PXDNL: variants seen among roughly 807,000 people sequenced by gnomAD.
PXDNL encodes the protein peroxidasin like.
In PXDNL, 145 loss-of-function variants were observed where a neutral mutation model predicts 150.8. The observed-to-expected ratio is 0.96, with a 90% CI of 0.84 to 1.10. The LOEUF (loss-of-function observed/expected upper bound fraction) is 1.10, where lower values mean the gene tolerates loss of function less well. Ranked by LOEUF, PXDNL falls within the 50% of genes least tolerant of loss-of-function variation. PXDNL has a pLI of 0.00. For missense variants in PXDNL, 2,087 were observed against 1,873.9 expected, an observed-to-expected ratio of 1.11 and a Z score of -2.10; for synonymous variants, 757 against 725.7, an observed-to-expected ratio of 1.04 and a Z score of -0.69.
intron 4 of PXDNL, among the ~76,000 whole-genome samples, chr8:51,509,666 A>G (rs923104870): frequency 1.3e-5 from 2 of 148,790 alleles, no homozygotes; most frequent in African/African-American, 5.0e-5. Context: ...TCAAATTACA[A>G]CCACATTCCC....
intron 21 of PXDNL, among the ~76,000 whole-genome samples, chr8:51,339,041 G>A (rs1805913400): frequency 6.6e-6 from 1 of 152,234 alleles, no homozygotes; most frequent in South Asian, 2.1e-4. Context: ...GAAGCAGCAA[G>A]CAGAGCCAGT....
In PXDNL at chr8:51,661,807, T is replaced by C. The variant is rs12680999; in HGVS notation, c.165-7047A>G. Among the ~76,000 whole-genome samples the C allele has an allele frequency of 1.5e-3, 227 of 151,704 alleles. 3 individuals carry two copies. In the East Asian group the frequency reaches 0.04, roughly 27 times the overall value. On this transcript the variant is annotated intron_variant, in intron 1 of 22. Coordinates refer to ENST00000356297, the MANE Select transcript of PXDNL (RefSeq NM_144651.5). ...CTGTGGGAAACTTGTCTGCAGTTAG[T>C]GTGGGGCAGGTGGCAGTGGGGTGAT...
At chr8:51,521,035 C>A (rs1339503994) in intron 4 of PXDNL, among the ~76,000 whole-genome samples, 2 of 152,052 alleles carry the variant, frequency 1.3e-5, no homozygotes, top group Non-Finnish European at 2.9e-5. Context: ...GAGTTTGACA[C>A]CAGCCCGGGC....
intron 2 of PXDNL, among the ~76,000 whole-genome samples, chr8:51,625,695 G>A (rs567635419): frequency 6.6e-6 from 1 of 152,268 alleles, no homozygotes; most frequent in Non-Finnish European, 1.5e-5. Context: ...AAGTTGGAAA[G>A]AACAACGTAG....
chr8:51,378,558 C>G (rs1807422382), intron 17 of PXDNL, among the ~76,000 whole-genome samples: 1 of 152,222 alleles, frequency 6.6e-6, no homozygotes, highest in Middle Eastern at 3.2e-3. Context: ...TGGCAATCCT[C>G]TGGGGTACCA....
At chr8:51,683,870 T>C (rs1815813415) in intron 1 of PXDNL, among the ~76,000 whole-genome samples, 1 of 152,140 alleles carries the variant, frequency 6.6e-6, no homozygotes, top group South Asian at 2.1e-4. Context: ...GATTTCAAGG[T>C]TCACTTTCCT....
At chr8:51,433,205 T>C (rs1188786870) in intron 12 of PXDNL, among the ~76,000 whole-genome samples, 2 of 128,370 alleles carry the variant, frequency 1.6e-5, no homozygotes, top group African/African-American at 6.2e-5. Flanking sequence ...TAAGACTCTA[T>C]CTCAAATAAT....
chr8:51,496,407 A>G (rs995538787), intron 5 of PXDNL, among the ~76,000 whole-genome samples: 2 of 152,118 alleles, frequency 1.3e-5, no homozygotes, highest in South Asian at 2.1e-4. Flanking sequence ...CCTATTCAAC[A>G]TAGTGCTGGA....
chr8:51,437,654 A>G lies in PXDNL; in HGVS notation c.1525+9350T>C, dbSNP rs181935779. ...AATCCAGCATCTCTTTATGACTAAA[A>G]CCCTCACCAAAATTTGCATAGAAGG... is the stretch of plus-strand genomic sequence containing the variant. On this transcript the variant is annotated intron_variant, in intron 12 of 22. Coordinates refer to ENST00000356297, the MANE Select transcript of PXDNL (RefSeq NM_144651.5). Among the ~76,000 whole-genome samples, 14 of 152,290 alleles carry G rather than the reference A, an allele frequency of 9.2e-5. No individual in the cohort carries two copies. The East Asian group carries it at 2.5e-3, about 27-fold the overall frequency.
Position 51,472,198 on chromosome 8 carries a change from C to G in PXDNL, c.801G>C (p.Trp267Cys). ...AEGNPKPEII[W>C]IHNNHSLDLE... Reference sequence around the variant, plus strand: ...TGCTCAGTATTTACTTGTTGTGTATCCAAATAATCTCAGGTTTGGGGTTTC... The same window carrying G: ...TGCTCAGTATTTACTTGTTGTGTATGCAAATAATCTCAGGTTTGGGGTTTC... The change falls in exon 8 of 23, where the codon TGG becomes TGC. Residue 267 changes from tryptophan to cysteine, a missense_variant. Trp to Cys is a radical substitution (Grantham distance 215, BLOSUM62 -2). Coordinates refer to ENST00000356297, the MANE Select transcript of PXDNL (RefSeq NM_144651.5). 1 of 1,609,408 alleles carries G rather than the reference C, an allele frequency of 6.2e-7. No homozygotes were observed. Among genetic ancestry groups the G allele is most frequent in the Non-Finnish European group, 8.5e-7 (1 of 1,175,914 alleles).
intron 3 of PXDNL, among the ~76,000 whole-genome samples, chr8:51,579,763 T>C (rs1403072491): frequency 6.6e-6 from 1 of 152,068 alleles, no homozygotes; most frequent in African/African-American, 2.4e-5. Context: ...AACTGGTATA[T>C]TGATATCATG....
At chr8:51,544,952 C>A (rs1484157299) in intron 4 of PXDNL, among the ~76,000 whole-genome samples, 1 of 151,782 alleles carries the variant, frequency 6.6e-6, no homozygotes, top group East Asian at 1.9e-4. Context: ...CATTGTTTTG[C>A]CAAGATATAC....
At chr8:51,506,878 A>T (rs1168315714) in intron 4 of PXDNL, among the ~76,000 whole-genome samples, 1 of 152,146 alleles carries the variant, frequency 6.6e-6, no homozygotes, top group Non-Finnish European at 1.5e-5. Context: ...CCCCTCCCTC[A>T]TAAGTCTGAG....
intron 4 of PXDNL, among the ~76,000 whole-genome samples, chr8:51,546,715 C>T (rs1448476646): frequency 6.6e-6 from 1 of 152,166 alleles, no homozygotes; most frequent in Non-Finnish European, 1.5e-5. Flanking sequence ...CCTGAGACCC[C>T]TACTTGCTTT....
At chr8:51,744,077 G>GAAA in intron 1 of PXDNL, among the ~76,000 whole-genome samples, 1 of 47,568 alleles carries the variant, frequency 2.1e-5, no homozygotes, top group South Asian at 1.0e-3. Flanking sequence ...AAGGAAGGAA[G>GAAA]GAAGGAAGGA....
chr8:51,379,240 G>A (rs1360520830), intron 17 of PXDNL, among the ~76,000 whole-genome samples: 1 of 152,146 alleles, frequency 6.6e-6, no homozygotes, highest in Non-Finnish European at 1.5e-5. Context: ...CTAATTGAAG[G>A]TATGAGTCAT....
chr8:51,804,824 TTGTC>T (rs1563326304), intron 1 of PXDNL, among the ~76,000 whole-genome samples: 1 of 152,068 alleles, frequency 6.6e-6, no homozygotes, highest in Non-Finnish European at 1.5e-5. Context: ...CTAAAACAAT[TTGTC>T]TGTCCATTTG....
At chr8:51,516,197 A>T (rs1479605047) in intron 4 of PXDNL, among the ~76,000 whole-genome samples, 1 of 152,240 alleles carries the variant, frequency 6.6e-6, no homozygotes, top group East Asian at 1.9e-4. Context: ...GAGTAACAAC[A>T]TCCTATAATT....
intron 2 of PXDNL, among the ~76,000 whole-genome samples, chr8:51,617,446 A>G (rs74477913): frequency 8.6e-4 from 131 of 152,384 alleles, no homozygotes; most frequent in African/African-American, 3.1e-3. Context: ...GTTAAATGCT[A>G]TAAGTGTCTT....
Sources: gnomAD v4.1 joint callset for allele counts (sites outside exome capture counted in the v4.1 genomes callset) on GRCh38, gnomAD v4.1.1 for gene constraint, MANE v1.5 for transcripts, NCBI Gene and HGNC (gene_info 2026-07-23, HGNC 2026-07-21) for gene names.